The following TENM3 variants were observed in gnomAD, a reference collection of about 807,000 sequenced individuals.
TENM3 encodes teneurin-3.
TENM3 carries 63 observed loss-of-function variants against 255.1 expected under a neutral mutation model. That is an observed-to-expected ratio of 0.25 (90% confidence interval 0.20 to 0.30). The LOEUF (loss-of-function observed/expected upper bound fraction) is 0.30. Among genes scored for constraint, TENM3 ranks in the 10% least tolerant of loss-of-function variants. The pLI is 1.00. For synonymous variants in TENM3, 1,306 were observed against 1,322.3 expected (o/e 0.99, Z 0.27); for missense variants, 2,929 against 3,461.1 (o/e 0.85, Z 3.86).
chr4:182,671,713 G>A (rs779283987), intron 6 of TENM3, among the ~76,000 whole-genome samples: 4 of 152,144 alleles, frequency 2.6e-5, no homozygotes. Flanking sequence ...CAGTAAAAAT[G>A]AACTCAGAGT....
chr4:181,764,148 T>C, the TENM3 span, among the ~76,000 whole-genome samples: 1 of 152,236 alleles, frequency 6.6e-6, no homozygotes, highest in African/African-American at 2.4e-5. Flanking sequence ...AATTAAGATT[T>C]CATTTGTTAT....
chr4:181,607,682 AGT>A, the TENM3 span, among the ~76,000 whole-genome samples: 5 of 152,014 alleles, frequency 3.3e-5, no homozygotes, highest in Non-Finnish European at 7.4e-5. Context: ...GGATTACAGG[AGT>A]GAGTCACCGT....
In TENM3 at chr4:182,799,250, C is replaced by G. The variant is rs1766719988; in HGVS notation, c.7345-346C>G. On this transcript the variant is annotated intron_variant, in intron 27 of 27. Transcript: ENST00000511685. This position sits in a 1 kb window ranked among gnomAD's most constrained non-coding sequence, Gnocchi z 4.2. ...TGGAGAAAGCTACGAGCATGCAGAT[C>G]CGGATGAGCTGGGTTCCCCACGTGG... 6.6e-6 allele frequency among the ~76,000 whole-genome samples: 1 copy of G among 152,354 alleles called. No individual in the cohort carries two copies. Among genetic ancestry groups the G allele is most frequent in the African/African-American group, 2.4e-5 (1 of 41,588 alleles).
At chr4:181,480,132 C>T in the TENM3 span, among the ~76,000 whole-genome samples, 1 of 151,812 alleles carries the variant, frequency 6.6e-6, no homozygotes, top group Non-Finnish European at 1.5e-5. Context: ...AAACCTAGAT[C>T]AATTCCTATA....
chr4:181,878,873 A>G, the TENM3 span, among the ~76,000 whole-genome samples: 59 of 151,586 alleles, frequency 3.9e-4, no homozygotes, highest in African/African-American at 1.4e-3. Context: ...CTATCTATCT[A>G]CCTCTCTATC....
the TENM3 span, among the ~76,000 whole-genome samples, chr4:181,987,406 C>T: frequency 6.6e-6 from 1 of 152,280 alleles, no homozygotes; most frequent in African/African-American, 2.4e-5. Context: ...CACCTGACTG[C>T]AGCGCTAAAC....
chr4:182,421,605 G>A (rs970106295), intron 3 of TENM3, among the ~76,000 whole-genome samples: 1 of 152,114 alleles, frequency 6.6e-6, no homozygotes, highest in African/African-American at 2.4e-5. Flanking sequence ...TGCAAGAAGA[G>A]CAAGCAAGAA....
intron 6 of TENM3, among the ~76,000 whole-genome samples, chr4:182,657,361 T>TA (rs529567868): frequency 0.011 from 1,712 of 151,988 alleles, 25 homozygotes; most frequent in African/African-American, 0.032. Context: ...TGCATTCTAT[T>TA]AAAAAAAATA....
the TENM3 span, among the ~76,000 whole-genome samples, chr4:181,927,544 C>T: frequency 1.3e-5 from 2 of 152,192 alleles, no homozygotes; most frequent in Admixed American, 6.5e-5. Flanking sequence ...TAGATAAAAC[C>T]CCCATCTCCC....
At chr4:182,333,672 A>G (rs1180307753) in intron 2 of TENM3, among the ~76,000 whole-genome samples, 1 of 152,228 alleles carries the variant, frequency 6.6e-6, no homozygotes, top group Non-Finnish European at 1.5e-5. Flanking sequence ...AACATAAGAA[A>G]GGTTTACCTA....
chr4:181,481,134 C>T, the TENM3 span, among the ~76,000 whole-genome samples: 5 of 144,780 alleles, frequency 3.5e-5, no homozygotes, highest in African/African-American at 1.3e-4. Flanking sequence ...AAGAAAAAAA[C>T]CTATAAAAAA....
upstream of TENM3, among the ~76,000 whole-genome samples, chr4:182,240,919 C>A (rs935195486): frequency 3.9e-5 from 6 of 152,244 alleles, no homozygotes; most frequent in Admixed American, 3.3e-4. Context: ...GGCAGGATGG[C>A]ATTTTCACTG....
In TENM3 at chr4:182,800,586, G is replaced by A; in HGVS notation, c.*235G>A. On this transcript the variant is annotated 3_prime_UTR_variant, in exon 28 of 28. Coordinates refer to ENST00000511685, the MANE Select transcript of TENM3 (RefSeq NM_001080477.4). ...AGCGCTGCACTCAGTCGGACTGAAC[G>A]TAGCCAGAGGAAAAAAAAATCATCA... 2.3e-6 allele frequency: 1 copy of A among 431,436 alleles called. No individual in the cohort carries two copies. Among genetic ancestry groups the A allele is most frequent in the Non-Finnish European group, 4.1e-6 (1 of 246,908 alleles). The allele number at this position is 431,436 out of a possible 1,614,324, so 26.7% of individuals were successfully genotyped here. A position where few individuals can be genotyped will look rare whatever the true frequency, so the allele number is the denominator to read the frequency against.
intron 3 of TENM3, among the ~76,000 whole-genome samples, chr4:182,551,527 A>G (rs1378514552): frequency 1.3e-5 from 2 of 152,092 alleles, no homozygotes; most frequent in African/African-American, 4.8e-5. Flanking sequence ...ATAAAGTGCA[A>G]TGAATCTATT....
chr4:181,877,536 G>A, the TENM3 span, among the ~76,000 whole-genome samples: 1 of 152,090 alleles, frequency 6.6e-6, no homozygotes, highest in Non-Finnish European at 1.5e-5. Flanking sequence ...CATATGAAGA[G>A]ATTGCCAAAA....
chr4:182,783,876 G>C (rs1252107951), intron 24 of TENM3, among the ~76,000 whole-genome samples: 1 of 151,632 alleles, frequency 6.6e-6, no homozygotes, highest in South Asian at 2.1e-4. Flanking sequence ...CATTCTTCAC[G>C]TAGTTCTCGA....
the TENM3 span, among the ~76,000 whole-genome samples, chr4:181,729,742 C>T: frequency 2.6e-5 from 4 of 152,108 alleles, no homozygotes; most frequent in South Asian, 4.1e-4. Context: ...TGCCGGCCCA[C>T]GAGGGCATTA....
At chr4:182,239,033 ATGTGTGTGTG>A (rs10533748), upstream of TENM3, among the ~76,000 whole-genome samples, 3,793 of 140,128 alleles carry the variant, frequency 0.027, 184 homozygotes, top group African/African-American at 0.089. Flanking sequence ...AAAAATCTTT[ATGTGTGTGTG>A]TGTGTGTGTG....
At chr4:182,001,475 T>A in the TENM3 span, among the ~76,000 whole-genome samples, 1 of 152,100 alleles carries the variant, frequency 6.6e-6, no homozygotes, top group Admixed American at 6.6e-5. Flanking sequence ...ATCACACTGT[T>A]ACTGTTCGGT....
Sources: gnomAD v4.1 joint callset for allele counts (sites outside exome capture counted in the v4.1 genomes callset) on GRCh38, gnomAD v4.1.1 for gene constraint, Gnocchi (gnomAD v3.1) non-coding constraint, MANE v1.5 for transcripts, NCBI Gene and HGNC (gene_info 2026-07-23, HGNC 2026-07-21) for gene names.